EYA1: variants seen among roughly 807,000 people sequenced by gnomAD.
EYA1 encodes the protein protein phosphatase EYA1.
Under a neutral mutation model 82.0 loss-of-function variants are expected in EYA1, and 16 were observed. That is an observed-to-expected ratio of 0.20 (90% CI 0.13 to 0.30). The LOEUF is 0.30. Ranked by LOEUF, EYA1 falls within the 10% of genes least tolerant of loss-of-function variation. The probability of loss-of-function intolerance (pLI) is 1.00; values close to 1 mark genes in which losing one functional copy is unlikely to be tolerated. For synonymous variants in EYA1, 261 were observed against 264.4 expected (o/e 0.99, Z 0.12); for missense variants, 633 against 730.7 (o/e 0.87, Z 1.54).
intron 11 of EYA1, among the ~76,000 whole-genome samples, chr8:71,252,409 TA>T (rs1022866700): frequency 2.0e-5 from 3 of 152,056 alleles, no homozygotes; most frequent in Admixed American, 2.0e-4. Context: ...AGCACTACCA[TA>T]AAGGAGTCAT....
intron 2 of EYA1, among the ~76,000 whole-genome samples, chr8:71,470,666 G>T (rs1348049067): frequency 1.3e-5 from 2 of 151,974 alleles, no homozygotes. Flanking sequence ...ACATTAATCT[G>T]ATATAGAAAA....
chr8:71,438,369 T>C (rs2129168080), intron 2 of EYA1, among the ~76,000 whole-genome samples: 1 of 151,202 alleles, frequency 6.6e-6, no homozygotes, highest in Admixed American at 6.6e-5. Flanking sequence ...AATATATTTA[T>C]ATATAATAAA....
At chr8:71,448,632 A>G (rs1807096924) in intron 2 of EYA1, among the ~76,000 whole-genome samples, 1 of 152,342 alleles carries the variant, frequency 6.6e-6, no homozygotes, top group Non-Finnish European at 1.5e-5. Context: ...GATGGTTTTC[A>G]GTGTACTTTG....
At chr8:71,532,145 A>G (rs147280545) in intron 2 of EYA1, among the ~76,000 whole-genome samples, 177 of 152,248 alleles carry the variant, frequency 1.2e-3, no homozygotes, top group African/African-American at 4.0e-3. Flanking sequence ...AAGTATCATC[A>G]GTTCCCTCAG....
intron 9 of EYA1, among the ~76,000 whole-genome samples, chr8:71,289,094 A>G (rs1818723839): frequency 6.6e-6 from 1 of 152,206 alleles, no homozygotes; most frequent in South Asian, 2.1e-4. Context: ...TTTAAAAGAT[A>G]AAGAAAAAAA....
intron 2 of EYA1, among the ~76,000 whole-genome samples, chr8:71,477,368 T>TA (rs1809742960): frequency 6.6e-6 from 1 of 152,136 alleles, no homozygotes; most frequent in Admixed American, 6.5e-5. Flanking sequence ...ACAACTCAGC[T>TA]ATAAAAATAC....
At chr8:71,394,640 T>C (rs1586621255) in intron 2 of EYA1, among the ~76,000 whole-genome samples, 1 of 152,190 alleles carries the variant, frequency 6.6e-6, no homozygotes, top group African/African-American at 2.4e-5. Context: ...TATTCTGTTC[T>C]ATTGGTCTAT....
In EYA1 at chr8:71,247,807, T is replaced by A. The variant is rs551565722; in HGVS notation, c.1051-3115A>T. Reference sequence around the variant, plus strand: ...ATGTGTCTAAAACAAAACACCTGACTAAGGTGTTTATTCCCTCTAGCTCAG... The same window carrying A: ...ATGTGTCTAAAACAAAACACCTGACAAAGGTGTTTATTCCCTCTAGCTCAG... On this transcript the variant is annotated intron_variant, in intron 11 of 17. Coordinates refer to ENST00000340726, the MANE Select transcript of EYA1 (RefSeq NM_000503.6). 2.6e-5 allele frequency among the ~76,000 whole-genome samples: 4 copies of A among 152,250 alleles called. No individual in the cohort carries two copies. In the East Asian group the frequency reaches 7.7e-4, roughly 29 times the overall value.
intron 2 of EYA1, among the ~76,000 whole-genome samples, chr8:71,498,837 G>A (rs1291174300): frequency 6.6e-6 from 1 of 152,132 alleles, no homozygotes; most frequent in Non-Finnish European, 1.5e-5. Flanking sequence ...CTGAAGAAAT[G>A]AGTCACTAAA....
At chr8:71,438,575 T>G (rs1586717284) in intron 2 of EYA1, among the ~76,000 whole-genome samples, 2 of 152,090 alleles carry the variant, frequency 1.3e-5, no homozygotes, top group South Asian at 4.2e-4. Context: ...GCTGTCAGGG[T>G]TGACCAGTGC....
intron 2 of EYA1, among the ~76,000 whole-genome samples, chr8:71,371,853 C>A (rs4738130): frequency 0.85 from 128,852 of 152,032 alleles, 55,618 homozygotes; most frequent in African/African-American, 0.96. Context: ...AAAGTAAGAT[C>A]ACAGGAAAAT....
chr8:71,532,045 C>T (rs1335662615), intron 2 of EYA1, among the ~76,000 whole-genome samples: 2 of 152,182 alleles, frequency 1.3e-5, no homozygotes, highest in Non-Finnish European at 2.9e-5. Flanking sequence ...AGGATGGACA[C>T]ATTTCCAAAC....
rs369291835 is a variant in EYA1, at chr8:71,424,155, T to C, written c.34-67644A>G. On this transcript the variant is annotated intron_variant, in intron 2 of 18. Coordinates refer to the EYA1 transcript ENST00000643681. ...GCTTCCCAAGCTGCAACACCACCTA[T>C]ACCAGGCACAAGCATTTTTCAATAA... 1.5e-4 allele frequency among the ~76,000 whole-genome samples: 23 copies of C among 152,318 alleles called. No individual in the cohort carries two copies. In the East Asian group the frequency reaches 3.7e-3, roughly 24 times the overall value.
intron 2 of EYA1, among the ~76,000 whole-genome samples, chr8:71,505,170 C>A (rs1163865523): frequency 6.6e-6 from 1 of 152,098 alleles, no homozygotes; most frequent in Non-Finnish European, 1.5e-5. Context: ...ATTTTTTATC[C>A]TCCACTATGG....
chr8:71,408,896 C>T (rs1166993681), intron 2 of EYA1, among the ~76,000 whole-genome samples: 11 of 110,532 alleles, frequency 1.0e-4, no homozygotes. Context: ...ACAGAACTCT[C>T]CACCCCAAAT....
chr8:71,510,561 C>A (rs534243738), intron 2 of EYA1, among the ~76,000 whole-genome samples: 2 of 152,064 alleles, frequency 1.3e-5, no homozygotes, highest in South Asian at 2.1e-4. Flanking sequence ...GAGTGCCGAG[C>A]GAAGGAGAAA....
intron 2 of EYA1, among the ~76,000 whole-genome samples, chr8:71,480,603 A>C (rs1810064295): frequency 6.6e-6 from 1 of 152,204 alleles, no homozygotes; most frequent in South Asian, 2.1e-4. Context: ...AATAGAAAAA[A>C]ATCCCATGAA....
In EYA1 at chr8:71,356,696, G is replaced by A. The variant is rs538834251; in HGVS notation, c.-54-185C>T. 1.9e-5 allele frequency: 24 copies of A among 1,291,034 alleles called. No homozygotes were observed. In the South Asian group the frequency reaches 6.0e-4, roughly 32 times the overall value. 80.0% of individuals were successfully genotyped at this position (1,291,034 alleles called of 1,614,324 possible). On this transcript the variant is annotated intron_variant, in intron 1 of 17. Coordinates refer to ENST00000340726, the MANE Select transcript of EYA1 (RefSeq NM_000503.6). ...GAGGTCTCAACTGTTGTTTCCTCCT[G>A]CAGGTCTATCCTCCTCCTCCCCTTG...
At chr8:71,391,561 T>C (rs572312261) in intron 2 of EYA1, among the ~76,000 whole-genome samples, 4 of 152,302 alleles carry the variant, frequency 2.6e-5, no homozygotes, top group African/African-American at 9.6e-5. Flanking sequence ...AAACTCTGGG[T>C]CCTATTAAAA....
Sources: allele counts gnomAD v4.1 joint callset (sites outside exome capture counted in the v4.1 genomes callset), GRCh38; gene constraint gnomAD v4.1.1; transcripts MANE v1.5; gene names NCBI Gene and HGNC (gene_info 2026-07-23, HGNC 2026-07-21).